CSMD1: variants seen among roughly 807,000 people sequenced by gnomAD.
CSMD1 encodes the protein CUB and Sushi multiple domains 1, also known as CUB and sushi domain-containing protein 1.
A neutral mutation model predicts 417.5 loss-of-function variants in CSMD1; 213 were observed. That is an observed-to-expected ratio of 0.51 (90% confidence interval 0.46 to 0.57). The LOEUF (loss-of-function observed/expected upper bound fraction) is 0.57. Ranked by LOEUF, CSMD1 falls within the 20% of genes least tolerant of loss-of-function variation. The probability of loss-of-function intolerance (pLI) is 0.00; values close to 1 mark genes in which losing one functional copy is unlikely to be tolerated. For missense variants in CSMD1, 6,923 were observed against 4,529.7 expected (o/e 1.53, Z -15.17); for synonymous variants, 2,862 against 1,736.8 (o/e 1.65, Z -16.11).
chr8:4,785,701 G>T (rs1029408272), intron 1 of CSMD1, among the ~76,000 whole-genome samples: 1 of 151,980 alleles, frequency 6.6e-6, no homozygotes, highest in Admixed American at 6.6e-5. Flanking sequence ...AGAAAGGAAG[G>T]GAGGATCACC....
At chr8:4,701,184 C>T (rs978363597) in intron 1 of CSMD1, among the ~76,000 whole-genome samples, 4 of 152,050 alleles carry the variant, frequency 2.6e-5, no homozygotes, top group Non-Finnish European at 4.4e-5. Context: ...AGAGTCCGTC[C>T]GCTGTGTGCC....
At chr8:4,158,711 T>C (rs59604958) in intron 3 of CSMD1, among the ~76,000 whole-genome samples, 45,909 of 151,822 alleles carry the variant, frequency 0.3, 7,197 homozygotes, top group South Asian at 0.41. Context: ...ACCACCCCAT[T>C]CAGTCCTTAT....
At chr8:4,371,476 T>C (rs187037738) in intron 3 of CSMD1, among the ~76,000 whole-genome samples, 14 of 152,306 alleles carry the variant, frequency 9.2e-5, no homozygotes, top group Admixed American at 2.0e-4. Flanking sequence ...ATAGAAAATA[T>C]AATAAACCTA....
chr8:3,195,043 G>C (rs953835058), intron 33 of CSMD1, among the ~76,000 whole-genome samples: 6 of 152,160 alleles, frequency 3.9e-5, no homozygotes, highest in Admixed American at 2.0e-4. Context: ...AATCCTTGCA[G>C]TTTACTCATT....
At chr8:3,825,544 A>AG (rs375036870) in intron 5 of CSMD1, among the ~76,000 whole-genome samples, 3 of 151,630 alleles carry the variant, frequency 2.0e-5, no homozygotes, top group African/African-American at 7.3e-5. Context: ...GGGCAGGTTC[A>AG]GGGGTGTGGG....
chr8:3,651,332 T>C (rs780216250), intron 7 of CSMD1, among the ~76,000 whole-genome samples: 15 of 152,100 alleles, frequency 9.9e-5, no homozygotes, highest in Non-Finnish European at 1.9e-4. Flanking sequence ...AGACAAGATC[T>C]AGTCCCCACC....
intron 3 of CSMD1, among the ~76,000 whole-genome samples, chr8:4,376,729 G>A (rs1318812401): frequency 6.6e-6 from 1 of 152,086 alleles, no homozygotes; most frequent in Non-Finnish European, 1.5e-5. Context: ...ATTTTAACTT[G>A]CACTGCTTTA....
At chr8:4,346,955 C>T (rs1561343) in intron 3 of CSMD1, among the ~76,000 whole-genome samples, 80,042 of 151,982 alleles carry the variant, frequency 0.53, 23,347 homozygotes, top group African/African-American at 0.8. Flanking sequence ...AGTTAGGTAA[C>T]ATTCAACTCT....
chr8:4,443,529 A>C lies in CSMD1; in HGVS notation c.303-23464T>G, dbSNP rs537462283. Among the ~76,000 whole-genome samples, 5 of 152,320 alleles carry C rather than the reference A, an allele frequency of 3.3e-5. No homozygotes were observed. In the South Asian group the frequency reaches 1.0e-3, roughly 32 times the overall value. The stretch of plus-strand genomic sequence containing the variant: ...ATATTAACACCAGAATACAGTATAG[A>C]ATTTCACGAATGATATGTCAGCCAC... On this transcript the variant is annotated intron_variant, in intron 2 of 69. Transcript: ENST00000635120.
intron 2 of CSMD1, among the ~76,000 whole-genome samples, chr8:4,438,503 G>A (rs946027046): frequency 6.6e-6 from 1 of 152,232 alleles, no homozygotes; most frequent in Non-Finnish European, 1.5e-5. Flanking sequence ...CCTGGCTGTA[G>A]GAAGATGCAG....
intron 12 of CSMD1, among the ~76,000 whole-genome samples, chr8:3,431,741 C>G (rs767347847): frequency 6.6e-6 from 1 of 152,204 alleles, no homozygotes; most frequent in Non-Finnish European, 1.5e-5. Flanking sequence ...TACTTTTGCT[C>G]TATCTACAAC....
intron 2 of CSMD1, among the ~76,000 whole-genome samples, chr8:4,515,455 A>G (rs966528607): frequency 1.3e-5 from 2 of 152,192 alleles, no homozygotes; most frequent in Non-Finnish European, 2.9e-5. Flanking sequence ...GAGAGTTAAT[A>G]TCTGATCTGG....
rs73658174 is a variant in CSMD1, at chr8:3,527,669, A to G, written c.1345-33943T>C. 7.2e-3 allele frequency among the ~76,000 whole-genome samples: 1,091 copies of G among 152,114 alleles called. 15 individuals carry two copies. The highest frequency in any genetic ancestry group is 0.025 in the African/African-American group (1,052 of 41,480). On this transcript the variant is annotated intron_variant, in intron 10 of 69. Transcript: ENST00000635120. ...AGGTCTGCAGCTCATCCCCTTGCCA[A>G]TTTGCTGGCTCTGCTTTTGGCTTAG...
chr8:4,950,066 C>T (rs61314748), intron 1 of CSMD1, among the ~76,000 whole-genome samples: 2,280 of 151,944 alleles, frequency 0.015, 50 homozygotes, highest in African/African-American at 0.052. Flanking sequence ...AGAAATAATA[C>T]CTAGAAATAT....
chr8:3,411,161 G>C (rs1007552392), intron 12 of CSMD1, among the ~76,000 whole-genome samples: 1 of 152,180 alleles, frequency 6.6e-6, no homozygotes, highest in African/African-American at 2.4e-5. Flanking sequence ...AGACTTAAAA[G>C]ATCTCTCTGC....
chr8:3,223,773 T>A lies in CSMD1; in HGVS notation c.4440A>T (p.Arg1480Ser). The A allele has an allele frequency of 6.2e-7, 1 of 1,613,914 alleles. No homozygotes were observed. The highest frequency in any genetic ancestry group is 1.1e-5 in the South Asian group (1 of 91,088). The change falls in exon 28 of 70, where the codon AGA becomes AGT. Residue 1480 changes from arginine (R) to serine (S), a missense_variant. Arg to Ser is a moderately radical substitution (Grantham distance 110, BLOSUM62 -1). Transcript: ENST00000635120. Reference protein sequence around the residue: ...PYPPGKECDWRVKVNPDFVIA... With the variant: ...PYPPGKECDWSVKVNPDFVIA... ...TGACAAAGTCCGGGTTCACTTTTACTCTCCAGTCACATTCCTTCCCAGGAG... is the reference window on the plus strand; with the variant it reads ...TGACAAAGTCCGGGTTCACTTTTACACTCCAGTCACATTCCTTCCCAGGAG...
At chr8:4,081,854 T>G (rs753930750) in intron 3 of CSMD1, among the ~76,000 whole-genome samples, 2 of 152,034 alleles carry the variant, frequency 1.3e-5, no homozygotes, top group African/African-American at 2.4e-5. Context: ...ACCAAATAAT[T>G]AGAAAAATAA....
intron 10 of CSMD1, among the ~76,000 whole-genome samples, chr8:3,524,116 T>C (rs1413947950): frequency 2.3e-5 from 3 of 131,820 alleles, no homozygotes; most frequent in African/African-American, 8.8e-5. Flanking sequence ...CATATGGACA[T>C]ATGTGCACAT....
chr8:3,924,172 G>T (rs771970691), intron 5 of CSMD1, among the ~76,000 whole-genome samples: 1 of 152,062 alleles, frequency 6.6e-6, no homozygotes, highest in African/African-American at 2.4e-5. Flanking sequence ...AGCATTCTTC[G>T]TTGGCAGCTC....
Sources: allele counts gnomAD v4.1 joint callset (sites outside exome capture counted in the v4.1 genomes callset), GRCh38; gene constraint gnomAD v4.1.1; transcripts MANE v1.5; gene names NCBI Gene and HGNC (gene_info 2026-07-23, HGNC 2026-07-21).